The following ENOX2 variants were observed in gnomAD, a reference collection of about 807,000 sequenced individuals.
ENOX2 encodes the protein ecto-NOX disulfide-thiol exchanger 2.
A neutral mutation model predicts 45.0 loss-of-function variants in ENOX2; 36 were observed. The ratio of observed to expected loss-of-function variants is 0.80; its 90% CI spans 0.61 to 1.06. ENOX2 has a LOEUF of 1.06. ENOX2 is among the 50% of genes least tolerant of loss of function. ENOX2 has a pLI of 0.00. For missense variants in ENOX2, 423 were observed against 462.5 expected (o/e 0.91, Z 0.78); for synonymous variants, 174 against 152.3 (o/e 1.14, Z -1.05).
At chrX:130,802,076 A>T (rs1473108280) in intron 2 of ENOX2, among the ~76,000 whole-genome samples, 3 of 111,934 alleles carry the variant, frequency 2.7e-5, no homozygotes, top group Non-Finnish European at 5.6e-5. Context: ...TGCCGCCCAC[A>T]TGCCCCTCCA....
At chrX:130,878,625 T>C (rs2148567749) in intron 2 of ENOX2, among the ~76,000 whole-genome samples, 1 of 112,179 alleles carries the variant, frequency 8.9e-6, no homozygotes, top group South Asian at 3.7e-4. Flanking sequence ...TCCTTAAGCA[T>C]TTCAATTGCT....
intron 3 of ENOX2, among the ~76,000 whole-genome samples, chrX:130,739,272 C>T (rs977672699): frequency 5.3e-5 from 6 of 112,323 alleles, no homozygotes; most frequent in African/African-American, 1.3e-4. Flanking sequence ...CACACGATCA[C>T]GAGGGTAAAC....
intron 3 of ENOX2, among the ~76,000 whole-genome samples, chrX:130,721,185 G>C (rs1415640023): frequency 3.6e-5 from 4 of 111,569 alleles, no homozygotes; most frequent in Non-Finnish European, 7.5e-5. Flanking sequence ...TTTCAGGCAA[G>C]TACTCTTGGT....
chrX:130,826,164 G>A (rs1459994361), intron 2 of ENOX2, among the ~76,000 whole-genome samples: 2 of 111,207 alleles, frequency 1.8e-5, no homozygotes, highest in African/African-American at 6.5e-5. Flanking sequence ...AAAGAATAGA[G>A]AAGTGTGTTT....
chrX:130,644,984 G>A (rs1317403557), intron 10 of ENOX2, among the ~76,000 whole-genome samples: 3 of 111,430 alleles, frequency 2.7e-5, no homozygotes, highest in Non-Finnish European at 5.7e-5. Context: ...GGTGAAGGAT[G>A]TTGATAGTGG....
intron 4 of ENOX2, among the ~76,000 whole-genome samples, chrX:130,693,181 T>A (rs1271943999): frequency 8.9e-6 from 1 of 112,130 alleles, no homozygotes; most frequent in Non-Finnish European, 1.9e-5. Context: ...ATCTATTCAT[T>A]CAATATTTTG....
chrX:130,667,703 G>C lies in ENOX2; in HGVS notation c.734C>G (p.Thr245Ser). 1 of 1,209,429 alleles carries C rather than the reference G, an allele frequency of 8.3e-7. No homozygotes were observed. ...GTTGACCTCTCCTCGCTCTATCCAG[G>C]TAAGCAAGGTCTGTACAGCTTCTGA... Reference protein sequence around the residue: ...KFSEAVQTLLTWIERGEVNRR... With the variant: ...KFSEAVQTLLSWIERGEVNRR... Residue 245 changes from threonine to serine, a missense_variant, in exon 8 of 15, where the codon ACC (threonine) becomes AGC (serine). This residue lies in a region of ENOX2 where 261 missense variants were observed against 306.8 expected (regional missense o/e 0.85). Transcript: ENST00000394363.
chrX:130,819,380 T>C (rs1237679952), intron 2 of ENOX2, among the ~76,000 whole-genome samples: 1 of 111,950 alleles, frequency 8.9e-6, no homozygotes, highest in African/African-American at 3.3e-5. Flanking sequence ...ACTGGGTATA[T>C]ACCCAAAGGA....
At chrX:130,804,358 A>C (rs1603354020) in intron 2 of ENOX2, among the ~76,000 whole-genome samples, 1 of 112,018 alleles carries the variant, frequency 8.9e-6, no homozygotes, top group East Asian at 2.8e-4. Flanking sequence ...GGGGGCAAGA[A>C]GTGATGTCTA....
chrX:130,630,255 T>C (rs4615761), intron 13 of ENOX2, among the ~76,000 whole-genome samples: 1 of 110,735 alleles, frequency 9.0e-6, no homozygotes, highest in Admixed American at 9.6e-5. Context: ...ATAAAAAAAT[T>C]AACATGTGGT....
intron 10 of ENOX2, among the ~76,000 whole-genome samples, chrX:130,650,679 T>C (rs1315452343): frequency 8.9e-6 from 1 of 112,164 alleles, no homozygotes; most frequent in Non-Finnish European, 1.9e-5. Context: ...CTTCTCCTTT[T>C]TGGCTATTTC....
intron 2 of ENOX2, among the ~76,000 whole-genome samples, chrX:130,793,315 G>C: frequency 8.9e-6 from 1 of 112,282 alleles, no homozygotes; most frequent in Non-Finnish European, 1.9e-5. Context: ...TTACAGCTTG[G>C]AAGATGTTAG....
chrX:130,634,338 G>C (rs953615055), intron 12 of ENOX2, among the ~76,000 whole-genome samples: 1 of 111,950 alleles, frequency 8.9e-6, no homozygotes, highest in Non-Finnish European at 1.9e-5. Flanking sequence ...ACCTTGAATA[G>C]AATGGGCACC....
chrX:130,720,159 A>G (rs761364282), intron 3 of ENOX2, among the ~76,000 whole-genome samples: 3 of 112,451 alleles, frequency 2.7e-5, no homozygotes, highest in Non-Finnish European at 3.8e-5. Flanking sequence ...ATGGCCCCCA[A>G]TTACTGCCAA....
At chrX:130,644,912 T>C (rs2036187817) in intron 10 of ENOX2, among the ~76,000 whole-genome samples, 1 of 111,478 alleles carries the variant, frequency 9.0e-6, no homozygotes, top group African/African-American at 3.3e-5. Flanking sequence ...AATGATGATA[T>C]GTTAATGTAG....
At chrX:130,634,820 A>G (rs763796753) in intron 12 of ENOX2, among the ~76,000 whole-genome samples, 164 bp downstream of exon 12, 5 of 111,349 alleles carry the variant, frequency 4.5e-5, no homozygotes, top group Non-Finnish European at 9.4e-5. Context: ...CCTAAAAGCA[A>G]AGCCCTTAGT....
chrX:130,754,134 C>T (rs983329903), intron 3 of ENOX2, among the ~76,000 whole-genome samples: 3 of 111,833 alleles, frequency 2.7e-5, no homozygotes, highest in Non-Finnish European at 5.7e-5. Flanking sequence ...ACATTGCATA[C>T]ATGGCTCAAA....
intron 3 of ENOX2, among the ~76,000 whole-genome samples, chrX:130,780,685 AGGT>A (rs1408832700): frequency 1.8e-5 from 2 of 111,930 alleles, no homozygotes; most frequent in African/African-American, 6.5e-5. Flanking sequence ...TGAAGGTCAC[AGGT>A]GACCTTTAAG....
At chrX:130,750,040 T>C (rs2039181221) in intron 3 of ENOX2, among the ~76,000 whole-genome samples, 1 of 110,715 alleles carries the variant, frequency 9.0e-6, no homozygotes, top group Non-Finnish European at 1.9e-5. Flanking sequence ...TCTCTCTCTG[T>C]TGCTCCCTTC....
Sources: gnomAD v4.1 joint callset for allele counts (sites outside exome capture counted in the v4.1 genomes callset) on GRCh38, gnomAD v4.1.1 for gene constraint, gnomAD v4.1.1 regional missense constraint, MANE v1.5 for transcripts, NCBI Gene and HGNC (gene_info 2026-07-23, HGNC 2026-07-21) for gene names.